HDDC2: variants seen among roughly 807,000 people sequenced by gnomAD.
The protein encoded by HDDC2 is 5'-deoxynucleotidase HDDC2.
In HDDC2, 25 loss-of-function variants were observed where a neutral mutation model predicts 25.5. The ratio of observed to expected loss-of-function variants is 0.98; its 90% CI spans 0.72 to 1.37. HDDC2 has a LOEUF of 1.37. Ranked by LOEUF, HDDC2 falls within the 40% of genes most tolerant of loss-of-function variation. The pLI, the probability that HDDC2 is intolerant of heterozygous loss-of-function variation, is 0.00. For synonymous variants in HDDC2, 106 were observed against 89.7 expected (o/e 1.18, Z -1.03); for missense variants, 264 against 253.1 (o/e 1.04, Z -0.29).
At chr6:125,295,808 GCCA>G (rs1464214851) in intron 3 of HDDC2, among the ~76,000 whole-genome samples, 2 of 152,044 alleles carry the variant, frequency 1.3e-5, no homozygotes, top group Non-Finnish European at 2.9e-5. Flanking sequence ...AATATGACCT[GCCA>G]CCATTATATT....
chr6:125,280,461 C>T (rs937003121), intron 4 of HDDC2, among the ~76,000 whole-genome samples: 2 of 152,230 alleles, frequency 1.3e-5, no homozygotes, highest in African/African-American at 4.8e-5. Context: ...CCCACCTCCA[C>T]AGAGCCCAGC....
chr6:125,298,663 A>C, intron 3 of HDDC2, 51 bp downstream of exon 3: 1 of 1,369,232 alleles, frequency 7.3e-7, no homozygotes, highest in African/African-American at 1.4e-5. Context: ...GCTTTGCTTC[A>C]GCAAGAGGTT....
In HDDC2 at chr6:125,277,150, G is replaced by T. The variant is rs1480070957; in HGVS notation, c.469C>A (p.Leu157Ile). The T allele has an allele frequency of 2.5e-6, 4 of 1,613,934 alleles. No homozygotes were observed. The highest frequency in any genetic ancestry group is 3.4e-6 in the Non-Finnish European group (4 of 1,179,982). Residue 157 changes from leucine to isoleucine, a missense_variant, in exon 5 of 6, where the codon CTT becomes ATT. Coordinates refer to ENST00000398153, the MANE Select transcript of HDDC2 (RefSeq NM_016063.3). ...TGCAGTCTCCCAGGTTTGTGTTCAA[G>T]GTCTTCATATTCAGATGCTTGAAGA... ...MILQASEYEDLEHKPGRLQDF... is the reference protein window; with the variant it reads ...MILQASEYEDIEHKPGRLQDF...
rs1249495412 is a variant in HDDC2, at chr6:125,276,194, T to C, written c.567A>G (p.Ala189=). 6.2e-7 allele frequency: 1 copy of C among 1,614,198 alleles called. No homozygotes were observed. Among genetic ancestry groups the C allele is most frequent in the Admixed American group, 1.7e-5 (1 of 60,026 alleles). ...CTGCAGCTATGTTAGTGCTTCTTTC[T>C]GCCTCAAGTTCAGAAACAAGCTGGA... is the stretch of plus-strand genomic sequence containing the variant. ...EIVQLVSELE[A]ERSTNIAAAA... Residue 189 remains alanine, a synonymous_variant, in exon 6 of 6, where the codon GCA becomes GCG. Coordinates refer to ENST00000398153, the MANE Select transcript of HDDC2 (RefSeq NM_016063.3).
At chr6:125,295,491 G>T (rs1377321909) in intron 3 of HDDC2, among the ~76,000 whole-genome samples, 1 of 150,134 alleles carries the variant, frequency 6.7e-6, no homozygotes, top group Non-Finnish European at 1.5e-5. Context: ...TGTCCTTCAG[G>T]TTTCTCATCT....
chr6:125,299,393 C>T lies in HDDC2; in HGVS notation c.207-577G>A, dbSNP rs547391414. Among the ~76,000 whole-genome samples, 9 of 152,108 alleles carry T rather than the reference C, an allele frequency of 5.9e-5. No homozygotes were observed. In the South Asian group the frequency reaches 6.2e-4, roughly 11 times the overall value. ...GTGAGACTGTCTCAACAAAAAAAAA[C>T]GAGATTACATTTGACAACTTTCATG... On this transcript the variant is annotated intron_variant, in intron 2 of 5. Transcript: ENST00000398153.
At chr6:125,285,416 G>T (rs1434368972) in intron 4 of HDDC2, among the ~76,000 whole-genome samples, 1 of 151,896 alleles carries the variant, frequency 6.6e-6, no homozygotes, top group Admixed American at 6.6e-5. Flanking sequence ...GGAACGCAAG[G>T]GTACACAAGG....
At chr6:125,280,669 C>A (rs556760418) in intron 4 of HDDC2, among the ~76,000 whole-genome samples, 5 of 152,384 alleles carry the variant, frequency 3.3e-5, no homozygotes, top group African/African-American at 1.2e-4. Context: ...CTCCCAAATT[C>A]CTCCTCTCTG....
intron 4 of HDDC2, among the ~76,000 whole-genome samples, chr6:125,291,895 T>C (rs1285422140): frequency 2.6e-5 from 4 of 151,610 alleles, no homozygotes; most frequent in Admixed American, 2.6e-4. Flanking sequence ...CTAGAAGGAG[T>C]TGTGCAGGGT....
intron 4 of HDDC2, among the ~76,000 whole-genome samples, chr6:125,289,519 AAAAAC>A (rs1798598864): frequency 9.9e-6 from 1 of 100,592 alleles, no homozygotes; most frequent in African/African-American, 5.4e-5. Context: ...ACAAAACAAA[AAAAAC>A]AAAAAAAAAA....
At chr6:125,282,852 G>C (rs904179846) in intron 4 of HDDC2, among the ~76,000 whole-genome samples, 1 of 152,008 alleles carries the variant, frequency 6.6e-6, no homozygotes, top group Non-Finnish European at 1.5e-5. Flanking sequence ...AAAAAAAGCA[G>C]GGTTGCAATC....
chr6:125,289,224 C>T (rs1167641927), intron 4 of HDDC2, among the ~76,000 whole-genome samples: 7 of 134,302 alleles, frequency 5.2e-5, no homozygotes, highest in Admixed American at 1.4e-4. Flanking sequence ...AGTAAACTAT[C>T]GCAAGAACAA....
intron 2 of HDDC2, among the ~76,000 whole-genome samples, chr6:125,299,053 T>A (rs1041098171): frequency 1.3e-5 from 2 of 152,168 alleles, no homozygotes; most frequent in African/African-American, 4.8e-5. Context: ...TAGCATTAAT[T>A]TTTTTTCTTA....
chr6:125,294,509 ATACTT>A (rs1382221384), intron 3 of HDDC2, among the ~76,000 whole-genome samples: 4 of 152,230 alleles, frequency 2.6e-5, no homozygotes, highest in African/African-American at 7.2e-5. Flanking sequence ...ACTTGAGAAA[ATACTT>A]TATATTTTCA....
At chr6:125,281,608 A>C (rs1255533684) in intron 4 of HDDC2, among the ~76,000 whole-genome samples, 1 of 152,204 alleles carries the variant, frequency 6.6e-6, no homozygotes, top group Non-Finnish European at 1.5e-5. Context: ...AAAGCATACC[A>C]GAGACTGAAG....
At chr6:125,288,248 G>C (rs1485009254) in intron 4 of HDDC2, among the ~76,000 whole-genome samples, 1 of 152,126 alleles carries the variant, frequency 6.6e-6, no homozygotes, top group Non-Finnish European at 1.5e-5. Context: ...AGAGAGGGCT[G>C]AACAGCTGAT....
intron 4 of HDDC2, among the ~76,000 whole-genome samples, chr6:125,292,461 G>C (rs1798646066): frequency 6.6e-6 from 1 of 152,132 alleles, no homozygotes; most frequent in African/African-American, 2.4e-5. Flanking sequence ...ATGAGCAACA[G>C]ACTCAGTGAG....
intron 2 of HDDC2, among the ~76,000 whole-genome samples, chr6:125,299,970 C>T (rs1345626269): frequency 2.6e-5 from 4 of 152,194 alleles, no homozygotes; most frequent in Admixed American, 6.5e-5. Context: ...CCTGCTCTTA[C>T]AATACTTAAC....
chr6:125,292,344 C>T (rs1337150894), intron 4 of HDDC2, among the ~76,000 whole-genome samples: 2 of 151,992 alleles, frequency 1.3e-5, no homozygotes, highest in African/African-American at 2.4e-5. Flanking sequence ...AAGGGAGCAG[C>T]ACTGGGAAGG....
Sources: allele counts gnomAD v4.1 joint callset (sites outside exome capture counted in the v4.1 genomes callset), GRCh38; gene constraint gnomAD v4.1.1; transcripts MANE v1.5; gene names NCBI Gene and HGNC (gene_info 2026-07-23, HGNC 2026-07-21).